Variants in SH3RF1 observed in about 807,000 individuals in gnomAD.
SH3RF1 encodes E3 ubiquitin-protein ligase SH3RF1.
Under a neutral mutation model 74.0 loss-of-function variants are expected in SH3RF1, and 32 were observed. The observed-to-expected ratio is 0.43, with a 90% CI of 0.33 to 0.58. The LOEUF (loss-of-function observed/expected upper bound fraction) is 0.58. Ranked by LOEUF, SH3RF1 falls within the 20% of genes least tolerant of loss-of-function variation. The pLI is 0.05. For missense variants in SH3RF1, 954 were observed against 1,130.9 expected (o/e 0.84, Z 2.24); for synonymous variants, 396 against 439.6 (o/e 0.90, Z 1.24).
intron 2 of SH3RF1, among the ~76,000 whole-genome samples, chr4:169,207,764 C>T (rs1487226770): frequency 6.6e-6 from 1 of 152,200 alleles, no homozygotes; most frequent in African/African-American, 2.4e-5. Context: ...TTAGAAAGCT[C>T]CCTTTTTCTT....
intron 10 of SH3RF1, among the ~76,000 whole-genome samples, chr4:169,107,447 T>C (rs1332991945): frequency 6.6e-6 from 1 of 152,198 alleles, no homozygotes; most frequent in Non-Finnish European, 1.5e-5. Flanking sequence ...CCTGACCTTT[T>C]GCTTCTCCTC....
chr4:169,138,201 G>C (rs1733730149), intron 4 of SH3RF1, among the ~76,000 whole-genome samples: 1 of 152,158 alleles, frequency 6.6e-6, no homozygotes, highest in Non-Finnish European at 1.5e-5. Flanking sequence ...AGAATAAAAA[G>C]CCCAAATGAA....
chr4:169,249,878 A>C (rs914419536), intron 2 of SH3RF1, among the ~76,000 whole-genome samples: 7 of 152,202 alleles, frequency 4.6e-5, no homozygotes, highest in African/African-American at 7.2e-5. Flanking sequence ...AGAAAAAGGA[A>C]ATTCATCTCT....
intron 4 of SH3RF1, among the ~76,000 whole-genome samples, chr4:169,153,392 T>G (rs1197133232): frequency 6.6e-6 from 1 of 152,238 alleles, no homozygotes; most frequent in Non-Finnish European, 1.5e-5. Flanking sequence ...GAGAATTATT[T>G]ACCAATTTTT....
Position 169,206,465 on chromosome 4 carries a change from G to A in SH3RF1, c.394-49786C>T, listed in dbSNP as rs769778871. On this transcript the variant is annotated intron_variant, in intron 2 of 11. Transcript: ENST00000284637. ...AGGTGGGAGGATGGCTTGAAGCCAG[G>A]AGTTTGAAACCAGCCTATGCAACAT... Among the ~76,000 whole-genome samples, 28 of 152,244 alleles carry A rather than the reference G, an allele frequency of 1.8e-4. No individual in the cohort carries two copies. The Middle Eastern group carries it at 0.01, about 55-fold the overall frequency.
chr4:169,210,369 C>T (rs375708953), intron 2 of SH3RF1, among the ~76,000 whole-genome samples: 52 of 152,278 alleles, frequency 3.4e-4, no homozygotes, highest in African/African-American at 1.2e-3. Context: ...CTACTTGGCT[C>T]ATACTCCAGA....
chr4:169,122,900 G>T (rs544795122), intron 6 of SH3RF1, among the ~76,000 whole-genome samples: 2 of 152,154 alleles, frequency 1.3e-5, no homozygotes, highest in Non-Finnish European at 2.9e-5. Flanking sequence ...AAAAGCTGCT[G>T]GTTCCTTTAT....
At chr4:169,190,786 C>T (rs1730828088) in intron 2 of SH3RF1, among the ~76,000 whole-genome samples, 1 of 152,124 alleles carries the variant, frequency 6.6e-6, no homozygotes, top group Admixed American at 6.6e-5. Context: ...AAACTACAGA[C>T]CAATATCCCT....
intron 4 of SH3RF1, among the ~76,000 whole-genome samples, chr4:169,145,046 AG>A (rs1271330695): frequency 6.6e-6 from 1 of 152,208 alleles, no homozygotes; most frequent in East Asian, 1.9e-4. Context: ...AGAGAGATTA[AG>A]AATAGTGTAC....
rs1449256091 is a variant in SH3RF1, at chr4:169,096,564, A to G, written c.2622T>C (p.Asn874=). The G allele has an allele frequency of 3.7e-6, 6 of 1,614,040 alleles. No individual in the cohort carries two copies. The highest frequency in any genetic ancestry group is 5.1e-6 in the Non-Finnish European group (6 of 1,180,030). ...DGWFKGTLQR[N]GKTGLFPGSF... Reference sequence around the variant, plus strand: ...TTCCTGGGAAAAGGCCAGTTTTCCCATTACGTTGTAATGTGCCTTTGAACC... The same window carrying G: ...TTCCTGGGAAAAGGCCAGTTTTCCCGTTACGTTGTAATGTGCCTTTGAACC... The change falls in exon 12 of 12, where the codon AAT becomes AAC. Residue 874 remains asparagine, a synonymous_variant. Coordinates refer to ENST00000284637, the MANE Select transcript of SH3RF1 (RefSeq NM_020870.4).
chr4:169,108,703 C>T (rs780323103), intron 10 of SH3RF1, among the ~76,000 whole-genome samples: 14 of 152,256 alleles, frequency 9.2e-5, no homozygotes, highest in Non-Finnish European at 1.5e-5. Flanking sequence ...TTTCGCTTCA[C>T]TCATTCAATG....
chr4:169,113,163 T>G (rs1733268967), intron 10 of SH3RF1, among the ~76,000 whole-genome samples: 1 of 151,774 alleles, frequency 6.6e-6, no homozygotes, highest in Non-Finnish European at 1.5e-5. Context: ...CAGGCTGGAG[T>G]GCAGTGGTGT....
At chr4:169,264,300 C>A (rs1178825622) in intron 2 of SH3RF1, among the ~76,000 whole-genome samples, 1 of 152,168 alleles carries the variant, frequency 6.6e-6, no homozygotes, top group Admixed American at 6.5e-5. Context: ...GTGTCTGCAT[C>A]CTCATCTCCT....
intron 2 of SH3RF1, among the ~76,000 whole-genome samples, chr4:169,258,799 T>A (rs983143449): frequency 5.3e-5 from 8 of 152,202 alleles, no homozygotes; most frequent in Non-Finnish European, 1.2e-4. Flanking sequence ...ACTTTTAAAG[T>A]TTTTTAAGGA....
rs532244820 is a variant in SH3RF1, at chr4:169,134,802, T to A, written c.1068+1516A>T. 5.3e-5 allele frequency among the ~76,000 whole-genome samples: 8 copies of A among 152,316 alleles called. No individual in the cohort carries two copies. The South Asian group carries it at 1.2e-3, about 24-fold the overall frequency. Reference sequence around the variant, plus strand: ...GTGACTCATTCATCCAACAAATACATGTTGAGTGCTTTCTGCATGTCTTAT... The same window carrying A: ...GTGACTCATTCATCCAACAAATACAAGTTGAGTGCTTTCTGCATGTCTTAT... On this transcript the variant is annotated intron_variant, in intron 5 of 11. Transcript: ENST00000284637.
rs1733426769 is a variant in SH3RF1, at chr4:169,120,929, C to G, written c.1407G>C (p.Gly469=). The part of the protein sequence containing the change: ...RKEDELELRK[G]EMFLVFERCQ... Reference sequence around the variant, plus strand: ...AGCGCTCAAACACTAAAAACATCTCCCCTTTTCTCAGCTCTAGTTCATCCT... The same window carrying G: ...AGCGCTCAAACACTAAAAACATCTCGCCTTTTCTCAGCTCTAGTTCATCCT... The change falls in exon 8 of 12, where the codon GGG becomes GGC. Residue 469 remains glycine (G), a synonymous_variant. Transcript: ENST00000284637. 3.1e-6 allele frequency: 5 copies of G among 1,614,164 alleles called. No individual in the cohort carries two copies. Among genetic ancestry groups the G allele is most frequent in the Non-Finnish European group, 4.2e-6 (5 of 1,180,012 alleles).
At chr4:169,183,472 G>C (rs1734548200) in intron 2 of SH3RF1, among the ~76,000 whole-genome samples, 1 of 152,042 alleles carries the variant, frequency 6.6e-6, no homozygotes, top group African/African-American at 2.4e-5. Context: ...GTAGAGACAG[G>C]GTTTCACCAT....
intron 2 of SH3RF1, among the ~76,000 whole-genome samples, chr4:169,221,839 A>T (rs935503047): frequency 6.6e-6 from 1 of 152,224 alleles, no homozygotes; most frequent in Non-Finnish European, 1.5e-5. Flanking sequence ...GGCTATGTAA[A>T]GATCCAAAAT....
chr4:169,222,365 T>C (rs1419675408), intron 2 of SH3RF1, among the ~76,000 whole-genome samples: 1 of 152,014 alleles, frequency 6.6e-6, no homozygotes, highest in African/African-American at 2.4e-5. Context: ...CTTGGGAGGC[T>C]GACGCAGGAG....
Sources: gnomAD v4.1 joint callset for allele counts (sites outside exome capture counted in the v4.1 genomes callset) on GRCh38, gnomAD v4.1.1 for gene constraint, MANE v1.5 for transcripts, NCBI Gene and HGNC (gene_info 2026-07-23, HGNC 2026-07-21) for gene names.